The following CNIH1 variants were observed in gnomAD, a reference collection of about 807,000 sequenced individuals.
CNIH1 encodes cornichon family member 1.
CNIH1 carries 12 observed loss-of-function variants against 20.2 expected under a neutral mutation model. The observed-to-expected ratio is 0.59, with a 90% CI of 0.38 to 0.96. The LOEUF is 0.96. CNIH1 is among the 40% of genes least tolerant of loss of function. The pLI is 0.00. For synonymous variants in CNIH1, 69 were observed against 63.3 expected, an observed-to-expected ratio of 1.09 and a Z score of -0.43; for missense variants, 152 against 178.8, an observed-to-expected ratio of 0.85 and a Z score of 0.85.
At chr14:54,435,833 C>T (rs772138823) in intron 2 of CNIH1, among the ~76,000 whole-genome samples, 3 of 152,148 alleles carry the variant, frequency 2.0e-5, no homozygotes, top group Admixed American at 6.5e-5. Context: ...AGTACTACAC[C>T]AAATAATTTC....
Position 54,427,725 on chromosome 14 carries a change from A to C in CNIH1, c.*89T>G. 3 of 1,312,640 alleles carry C rather than the reference A, an allele frequency of 2.3e-6. No individual in the cohort carries two copies. In the South Asian group the frequency reaches 3.8e-5, roughly 17 times the overall value. The allele number at this position is 1,312,640 out of a possible 1,614,324, so 81.3% of individuals were successfully genotyped here. A position where few individuals can be genotyped will look rare whatever the true frequency, so the allele number is the denominator to read the frequency against. On this transcript the variant is annotated 3_prime_UTR_variant, in exon 5 of 5. Coordinates refer to ENST00000216416, the MANE Select transcript of CNIH1 (RefSeq NM_005776.3). ...AGTAACTGATCAGATTCCACAGGCTACTCTTGGACAGGATCTTGCTGGATA... is the reference window on the plus strand; with the variant it reads ...AGTAACTGATCAGATTCCACAGGCTCCTCTTGGACAGGATCTTGCTGGATA...
chr14:54,430,226 G>A (rs778660936), intron 4 of CNIH1, 35 bp downstream of exon 4: 15 of 1,604,958 alleles, frequency 9.3e-6, no homozygotes, highest in Non-Finnish European at 3.4e-6. Context: ...AAGCAGCAAA[G>A]TGAAAGCATA....
At chr14:54,429,438 G>A (rs1160437133) in intron 4 of CNIH1, among the ~76,000 whole-genome samples, 2 of 152,190 alleles carry the variant, frequency 1.3e-5, no homozygotes, top group Non-Finnish European at 2.9e-5. Context: ...TGACCTAGAG[G>A]AACAATGAGT....
At chr14:54,440,216 C>CTTAAAAT in intron 1 of CNIH1, among the ~76,000 whole-genome samples, 1 of 152,146 alleles carries the variant, frequency 6.6e-6, no homozygotes, top group African/African-American at 2.4e-5. Context: ...CATGATGAAA[C>CTTAAAAT]CTGACTTAAA....
chr14:54,439,493 A>G (rs1041802563), intron 1 of CNIH1, among the ~76,000 whole-genome samples: 1 of 151,996 alleles, frequency 6.6e-6, no homozygotes, highest in South Asian at 2.1e-4. Context: ...ATACCCATCA[A>G]GCAGAATGAC....
chr14:54,437,667 G>A (rs1442294355), intron 1 of CNIH1, among the ~76,000 whole-genome samples: 1 of 144,078 alleles, frequency 6.9e-6, no homozygotes, highest in African/African-American at 2.7e-5. Context: ...GAAAAAAATA[G>A]CACTAGGGAT....
At chr14:54,435,973 G>A (rs2031046768) in intron 2 of CNIH1, 3 of 641,102 alleles carry the variant, frequency 4.7e-6, no homozygotes, top group African/African-American at 1.8e-5. Flanking sequence ...ACCTCAACAG[G>A]CATATGAACG....
chr14:54,436,716 TTA>T, intron 1 of CNIH1: 1 of 518,892 alleles, frequency 1.9e-6, no homozygotes, highest in South Asian at 1.7e-5. Context: ...TTATTTCAAC[TTA>T]TCTCTACTCG....
At chr14:54,439,661 C>T (rs1342721487) in intron 1 of CNIH1, among the ~76,000 whole-genome samples, 1 of 151,842 alleles carries the variant, frequency 6.6e-6, no homozygotes, top group African/African-American at 2.4e-5. Context: ...GATTCTCCTC[C>T]GCCTCAGCCT....
Position 54,441,339 on chromosome 14 carries a change from A to G in CNIH1, c.-12T>C. On this transcript the variant is annotated 5_prime_UTR_variant, in exon 1 of 5. Transcript: ENST00000216416. ...AACGTGAACGCCATGGCTGGGGAGG[A>G]GGAGCGGGGAGCGGCGCCGTTGCCA... is the stretch of plus-strand genomic sequence containing the variant. 6.7e-7 allele frequency: 1 copy of G among 1,492,460 alleles called. No homozygotes were observed. The highest frequency in any genetic ancestry group is 9.0e-7 in the Non-Finnish European group (1 of 1,112,784). 92.5% of individuals were successfully genotyped at this position (1,492,460 alleles called of 1,614,324 possible).
chr14:54,439,552 C>CTTTTT (rs534454023), intron 1 of CNIH1, among the ~76,000 whole-genome samples: 1 of 146,716 alleles, frequency 6.8e-6, no homozygotes, highest in African/African-American at 2.5e-5. Context: ...TTCTTTCTTT[C>CTTTTT]TTTTTTTTTG....
chr14:54,436,905 G>T, intron 1 of CNIH1: 1 of 340,896 alleles, frequency 2.9e-6, no homozygotes. Flanking sequence ...CCATCGATAT[G>T]GCTTTTCTCA....
chr14:54,433,638 A>G (rs2030992237), intron 2 of CNIH1, among the ~76,000 whole-genome samples: 1 of 152,216 alleles, frequency 6.6e-6, no homozygotes, highest in African/African-American at 2.4e-5. Context: ...GAATTCCACT[A>G]GAGTTGCTTT....
chr14:54,432,024 G>T, intron 3 of CNIH1, 84 bp downstream of exon 3: 4 of 599,750 alleles, frequency 6.7e-6, no homozygotes, highest in Non-Finnish European at 1.0e-5. Context: ...TTATGTAGGT[G>T]ACTAGCATGT....
chr14:54,439,944 G>A (rs1555363589), intron 1 of CNIH1, among the ~76,000 whole-genome samples: 1 of 152,220 alleles, frequency 6.6e-6, no homozygotes, highest in Non-Finnish European at 1.5e-5. Context: ...AAGCAGGGCT[G>A]AAGATGCTCT....
intron 1 of CNIH1, chr14:54,436,662 AT>A: frequency 1.7e-6 from 1 of 574,048 alleles, no homozygotes; most frequent in Middle Eastern, 2.9e-4. Context: ...TATTACTGTA[AT>A]AAATACCTTC....
chr14:54,441,253 A>G lies in CNIH1; in HGVS notation c.75T>C (p.Ile25=). The change falls in exon 1 of 5, where the codon ATT becomes ATC. Residue 25 remains isoleucine (I), a synonymous_variant. Coordinates refer to ENST00000216416, the MANE Select transcript of CNIH1 (RefSeq NM_005776.3). The stretch of plus-strand genomic sequence containing the variant: ...CCCAGCCCCAGCTACTCACGTGCCA[A>G]ATGGCGAAGAAGATGAGCGCGGCAG... ...LLTAALIFFA[I]WHIIAFDELK... 1 of 1,517,280 alleles carries G rather than the reference A, an allele frequency of 6.6e-7. No homozygotes were observed. Among genetic ancestry groups the G allele is most frequent in the Non-Finnish European group, 8.8e-7 (1 of 1,130,396 alleles). The allele number at this position is 1,517,280 out of a possible 1,614,324, so 94.0% of individuals were successfully genotyped here. A position where few individuals can be genotyped will look rare whatever the true frequency, so the allele number is the denominator to read the frequency against.
intron 1 of CNIH1, among the ~76,000 whole-genome samples, chr14:54,438,584 T>C (rs1296054205): frequency 1.3e-5 from 2 of 152,242 alleles, no homozygotes; most frequent in Admixed American, 6.5e-5. Flanking sequence ...CCACAGAGCA[T>C]CAATGACATG....
At chr14:54,430,552 C>A (rs1346433139) in intron 3 of CNIH1, 148 bp from the exon 4 acceptor site, 4 of 684,670 alleles carry the variant, frequency 5.8e-6, no homozygotes, top group Non-Finnish European at 9.1e-6. Flanking sequence ...TTTCCTTTTA[C>A]CATCTTAATT....
Sources: allele counts gnomAD v4.1 joint callset (sites outside exome capture counted in the v4.1 genomes callset), GRCh38; gene constraint gnomAD v4.1.1; transcripts MANE v1.5; gene names NCBI Gene and HGNC (gene_info 2026-07-23, HGNC 2026-07-21).